CPNE2: variants seen among roughly 807,000 people sequenced by gnomAD.
CPNE2 encodes copine-2.
CPNE2 carries 42 observed loss-of-function variants against 69.7 expected under a neutral mutation model. The observed-to-expected ratio is 0.60, with a 90% CI of 0.47 to 0.78. The LOEUF is 0.78. Ranked by LOEUF, CPNE2 falls within the 30% of genes least tolerant of loss-of-function variation. CPNE2 has a pLI of 0.00. For synonymous variants in CPNE2, 294 were observed against 289.8 expected (o/e 1.01, Z -0.15); for missense variants, 587 against 732.0 (o/e 0.80, Z 2.29).
At position 57,110,763 on chromosome 16, in the gene CPNE2, G is replaced by GGGT; in HGVS notation, c.23_25dup (p.Gly8dup). ...CTCCCATGGCCCACATACCCAGTGG[G>GGGT]GGTGCCCCAGCAGCGGGGGCAGCCC... On this transcript the variant is annotated inframe_insertion, in exon 2 of 16. Coordinates refer to ENST00000290776, the MANE Select transcript of CPNE2 (RefSeq NM_152727.6). The GGGT allele has an allele frequency of 6.2e-7, 1 of 1,612,274 alleles. No homozygotes were observed. Among genetic ancestry groups the GGGT allele is most frequent in the Non-Finnish European group, 8.5e-7 (1 of 1,179,148 alleles).
intron 14 of CPNE2, chr16:57,143,666 G>A (rs1183977092): frequency 1.3e-5 from 2 of 152,448 alleles, no homozygotes; most frequent in African/African-American, 4.8e-5. Flanking sequence ...CAGGGTCTGT[G>A]TAGTGCTGTC....
chr16:57,138,889 T>C lies in CPNE2; in HGVS notation c.1302+1607T>C, dbSNP rs919023957. ...CCTGGTCCCATGCCTAAGGGGACCA[T>C]TGGGACCAGCCAAGGGAGGGAGGCA... On this transcript the variant is annotated intron_variant, in intron 14 of 15. Coordinates refer to ENST00000290776, the MANE Select transcript of CPNE2 (RefSeq NM_152727.6). Among the ~76,000 whole-genome samples, 24 of 152,276 alleles carry C rather than the reference T, an allele frequency of 1.6e-4. No individual in the cohort carries two copies. In the East Asian group the frequency reaches 3.1e-3, roughly 20 times the overall value.
At position 57,146,175 on chromosome 16, in the gene CPNE2, A is replaced by G; in HGVS notation, c.1393A>G (p.Met465Val). The stretch of plus-strand genomic sequence containing the variant: ...CGTGGTGCAGGCTTCCAAGCTGCCC[A>G]TGTCCATCATCATCGTGGGCGTGGG... ...HAVVQASKLPMSIIIVGVGNA... is the reference protein window; with the variant it reads ...HAVVQASKLPVSIIIVGVGNA... The change falls in exon 15 of 16, where the codon ATG becomes GTG. Residue 465 changes from methionine (M) to valine (V), a missense_variant. Physicochemically the swap from Met to Val is conservative, Grantham distance 21 (BLOSUM62 1). Transcript: ENST00000290776. This position sits in a 1 kb window ranked among gnomAD's most constrained non-coding sequence, Gnocchi z 4.4. 4 of 1,581,428 alleles carry G rather than the reference A, an allele frequency of 2.5e-6. No homozygotes were observed. The highest frequency in any genetic ancestry group is 3.4e-6 in the Non-Finnish European group (4 of 1,162,676).
chr16:57,128,520 A>C (rs1895516), intron 12 of CPNE2, among the ~76,000 whole-genome samples: 105,254 of 152,142 alleles, frequency 0.69, 37,129 homozygotes, highest in African/African-American at 0.82. Flanking sequence ...AGCCACTGTG[A>C]CCAGTGCAGA....
At chr16:57,102,884 G>A (rs547892050) in intron 1 of CPNE2, among the ~76,000 whole-genome samples, 1 of 152,202 alleles carries the variant, frequency 6.6e-6, no homozygotes, top group African/African-American at 2.4e-5. Context: ...TTACAGGTAT[G>A]AGCCACCATG....
At chr16:57,096,164 T>C (rs1000052790) in intron 1 of CPNE2, among the ~76,000 whole-genome samples, 2 of 152,216 alleles carry the variant, frequency 1.3e-5, no homozygotes, top group Admixed American at 1.3e-4. Context: ...CTTGCCCTCT[T>C]GAGTCTCTGG....
intron 1 of CPNE2, among the ~76,000 whole-genome samples, chr16:57,110,262 G>A (rs1373837111): frequency 1.5e-5 from 2 of 132,666 alleles, no homozygotes; most frequent in African/African-American, 2.9e-5. Context: ...TCATTCTGTC[G>A]CCTAGGCTGG....
Position 57,125,967 on chromosome 16 carries a change from T to G in CPNE2, c.1035T>G (p.Val345=), listed in dbSNP as rs761653124. The G allele has an allele frequency of 6.2e-7, 1 of 1,614,186 alleles. No individual in the cohort carries two copies. Among genetic ancestry groups the G allele is most frequent in the Non-Finnish European group, 8.5e-7 (1 of 1,180,032 alleles). The change falls in exon 11 of 16, where the codon GTT becomes GTG. Residue 345 remains valine, a synonymous_variant. Coordinates refer to ENST00000290776, the MANE Select transcript of CPNE2 (RefSeq NM_152727.6). Reference sequence around the variant, plus strand: ...AATATCTGTCGGCCATCTGGGCTGTTGGGCAGATCATTCAGGACTACGACA... The same window carrying G: ...AATATCTGTCGGCCATCTGGGCTGTGGGGCAGATCATTCAGGACTACGACA... ...TNEYLSAIWA[V]GQIIQDYDSD... is the part of the protein sequence containing the mutation.
Position 57,147,828 on chromosome 16 carries a change from T to C in CPNE2, c.*170T>C, listed in dbSNP as rs2069971659. On this transcript the variant is annotated 3_prime_UTR_variant, in exon 16 of 16. Coordinates refer to ENST00000290776, the MANE Select transcript of CPNE2 (RefSeq NM_152727.6). ...CTCCAGCCCAGCTGGGCTTCCTTTG[T>C]TGGAGTCAACTGTTGATGCTTCCAG... 2.2e-6 allele frequency: 1 copy of C among 451,062 alleles called. No homozygotes were observed. The highest frequency in any genetic ancestry group is 3.9e-5 in the Admixed American group (1 of 25,396). 27.9% of individuals were successfully genotyped at this position (451,062 alleles called of 1,614,324 possible).
At chr16:57,108,232 G>T (rs2145242690) in intron 1 of CPNE2, among the ~76,000 whole-genome samples, 1 of 152,318 alleles carries the variant, frequency 6.6e-6, no homozygotes. Context: ...CCTAATAGAT[G>T]CTCAGTACAC....
Position 57,119,605 on chromosome 16 carries a change from GC to G in CPNE2, c.639del (p.Leu214TrpfsTer77). 6.2e-7 allele frequency: 1 copy of G among 1,613,090 alleles called. No homozygotes were observed. The highest frequency in any genetic ancestry group is 8.5e-7 in the Non-Finnish European group (1 of 1,179,642). On this transcript the variant is annotated frameshift_variant, in exon 7 of 16. Coordinates refer to ENST00000290776, the MANE Select transcript of CPNE2 (RefSeq NM_152727.6). LOFTEE classifies it high-confidence loss of function. ...ACCCTGTGTGGAAGCCATTCACAGTGCCCTTGGTGTCCCTGTGTGATGGGGA... is the reference window on the plus strand; with the variant it reads ...ACCCTGTGTGGAAGCCATTCACAGTGCCTTGGTGTCCCTGTGTGATGGGGA... The part of the protein sequence containing the change: ...LDPVWKPFTV[P>X]LVSLCDGDME...
intron 1 of CPNE2, among the ~76,000 whole-genome samples, chr16:57,105,158 G>A (rs551218407): frequency 2.0e-5 from 3 of 152,322 alleles, no homozygotes; most frequent in South Asian, 4.1e-4. Context: ...GTCTGGGCAC[G>A]AGATGATGGG....
intron 7 of CPNE2, 62 bp from the exon 8 acceptor site, chr16:57,121,031 G>A: frequency 2.4e-6 from 3 of 1,267,898 alleles, no homozygotes; most frequent in Non-Finnish European, 3.3e-6. Flanking sequence ...GGGGAGTTGA[G>A]AGGGGCTGGA....
chr16:57,104,827 G>C (rs959247138), intron 1 of CPNE2, among the ~76,000 whole-genome samples: 1 of 152,172 alleles, frequency 6.6e-6, no homozygotes, highest in Non-Finnish European at 1.5e-5. Flanking sequence ...GTGAAGAAAG[G>C]CATTCCTGGA....
chr16:57,100,289 A>T lies in CPNE2; in HGVS notation c.-36+7499A>T, dbSNP rs560755964. On this transcript the variant is annotated intron_variant, in intron 1 of 15. Transcript: ENST00000290776. ...GGGCATTCCAGGCAGATGGAACAGC[A>T]TATGCAGAATTAGGGAGGCACGAAA... Among the ~76,000 whole-genome samples the T allele has an allele frequency of 2.0e-5, 3 of 152,340 alleles. No individual in the cohort carries two copies. In the East Asian group the frequency reaches 5.8e-4, roughly 29 times the overall value.
chr16:57,133,116 GCC>G, intron 12 of CPNE2, among the ~76,000 whole-genome samples: 1 of 152,036 alleles, frequency 6.6e-6, no homozygotes, highest in Admixed American at 6.6e-5. Flanking sequence ...CTCCATACAA[GCC>G]CCCCTCGTAA....
chr16:57,117,170 C>G (rs754128775), intron 4 of CPNE2, among the ~76,000 whole-genome samples: 2 of 152,090 alleles, frequency 1.3e-5, no homozygotes, highest in Admixed American at 6.5e-5. Context: ...GGTCATGCTG[C>G]TCTCTGGGCC....
At chr16:57,121,009 G>C in intron 7 of CPNE2, 84 bp from the exon 8 acceptor site, 3 of 980,756 alleles carry the variant, frequency 3.1e-6, no homozygotes, top group Non-Finnish European at 4.6e-6. Context: ...ACAGAAGACA[G>C]AGGGTTTGCT....
rs2069962784 is a variant in CPNE2, at chr16:57,146,900, G to A, written c.1539+579G>A. The A allele has an allele frequency of 6.3e-6, 1 of 158,514 alleles. No homozygotes were observed. Among genetic ancestry groups the A allele is most frequent in the Non-Finnish European group, 1.4e-5 (1 of 71,732 alleles). The allele number at this position is 158,514 out of a possible 1,614,324, so 9.8% of individuals were successfully genotyped here. A position where few individuals can be genotyped will look rare whatever the true frequency, so the allele number is the denominator to read the frequency against. ...TCACTGCCCTAGCAGCAGGGTCCAT[G>A]AGGAGTCCCATAGGGGAGCAGTCTC... On this transcript the variant is annotated intron_variant, in intron 15 of 15. Coordinates refer to ENST00000290776, the MANE Select transcript of CPNE2 (RefSeq NM_152727.6). The surrounding 1 kb of genome is among the most constrained non-coding windows in gnomAD (Gnocchi z 4.4).
Sources: allele counts gnomAD v4.1 joint callset (sites outside exome capture counted in the v4.1 genomes callset), GRCh38; gene constraint gnomAD v4.1.1; non-coding constraint Gnocchi (gnomAD v3.1); transcripts MANE v1.5; gene names NCBI Gene and HGNC (gene_info 2026-07-23, HGNC 2026-07-21).